Variants in MDGA2 observed in about 807,000 individuals in gnomAD.
The protein encoded by MDGA2 is MAM domain containing glycosylphosphatidylinositol anchor 2, also known as MAM domain-containing glycosylphosphatidylinositol anchor protein 2.
In MDGA2, 40 loss-of-function variants were observed where a neutral mutation model predicts 117.8. The ratio of observed to expected loss-of-function variants is 0.34; its 90% CI spans 0.26 to 0.44. The LOEUF (loss-of-function observed/expected upper bound fraction) is 0.44, where lower values mean the gene tolerates loss of function less well. MDGA2 is among the 20% of genes least tolerant of loss of function. MDGA2 has a pLI of 1.00. For missense variants in MDGA2, 1,123 were observed against 1,250.6 expected (o/e 0.90, Z 1.54); for synonymous variants, 452 against 439.0 (o/e 1.03, Z -0.37).
At chr14:47,647,817 CTT>C (rs995197894) in intron 1 of MDGA2, among the ~76,000 whole-genome samples, 4 of 152,088 alleles carry the variant, frequency 2.6e-5, no homozygotes, top group African/African-American at 9.7e-5. Flanking sequence ...ATTGTAGCAT[CTT>C]TGTCATTTTT....
intron 4 of MDGA2, among the ~76,000 whole-genome samples, chr14:47,143,724 G>A (rs1251235921): frequency 6.6e-6 from 1 of 151,554 alleles, no homozygotes; most frequent in African/African-American, 2.4e-5. Flanking sequence ...TTGCAAATGG[G>A]GAAATCAAAA....
chr14:47,089,732 T>C (rs1891039414), intron 6 of MDGA2, among the ~76,000 whole-genome samples: 1 of 152,146 alleles, frequency 6.6e-6, no homozygotes, highest in East Asian at 1.9e-4. Context: ...TCATGTCCTT[T>C]GTAGGGACAT....
chr14:47,660,040 T>C (rs1471558284), intron 1 of MDGA2, among the ~76,000 whole-genome samples: 4 of 152,066 alleles, frequency 2.6e-5, no homozygotes, highest in African/African-American at 9.7e-5. Flanking sequence ...TGCTTCTCCA[T>C]GCTTTTTTTT....
intron 1 of MDGA2, chr14:47,342,949 A>C (rs778387524): frequency 1.2e-4 from 69 of 575,842 alleles, no homozygotes; most frequent in Non-Finnish European, 1.9e-4. Context: ...TACCTTCTGA[A>C]GTCACAGTAG....
At chr14:47,087,815 A>AC (rs1890961789) in intron 6 of MDGA2, among the ~76,000 whole-genome samples, 1 of 151,820 alleles carries the variant, frequency 6.6e-6, no homozygotes, top group African/African-American at 2.4e-5. Context: ...AAAAAAAAAA[A>AC]AAAACTACCA....
intron 10 of MDGA2, among the ~76,000 whole-genome samples, chr14:46,883,225 T>A (rs1172999894): frequency 2.0e-5 from 3 of 152,110 alleles, no homozygotes; most frequent in Non-Finnish European, 4.4e-5. Flanking sequence ...AAATTCATCA[T>A]ACAGTACTGT....
chr14:47,104,811 C>T (rs1880553662), intron 5 of MDGA2, among the ~76,000 whole-genome samples: 1 of 152,162 alleles, frequency 6.6e-6, no homozygotes. Context: ...AAACAAACAT[C>T]TCACCAATTT....
At chr14:47,026,990 AGCAAGACTCTG>A (rs1888497137) in intron 8 of MDGA2, among the ~76,000 whole-genome samples, 2 of 151,912 alleles carry the variant, frequency 1.3e-5, no homozygotes, top group African/African-American at 4.8e-5. Context: ...TGGGCAACAT[AGCAAGACTCTG>A]TCTCTTAAAA....
chr14:46,985,371 T>C (rs1372073266), intron 8 of MDGA2, among the ~76,000 whole-genome samples: 1 of 152,072 alleles, frequency 6.6e-6, no homozygotes, highest in African/African-American at 2.4e-5. Flanking sequence ...CTTAAGTATA[T>C]GTAGGAGTCT....
intron 2 of MDGA2, among the ~76,000 whole-genome samples, chr14:47,247,303 CAT>C (rs1491359744): frequency 8.8e-6 from 1 of 113,576 alleles, no homozygotes; most frequent in African/African-American, 3.7e-5. Flanking sequence ...GATATAGTTT[CAT>C]ATTTTTTTTT....
chr14:47,384,025 T>TAGATAGATAGATAGATAGATAATAGA (rs60630027), intron 1 of MDGA2, among the ~76,000 whole-genome samples: 1 of 143,844 alleles, frequency 7.0e-6, no homozygotes, highest in East Asian at 2.1e-4. Flanking sequence ...AATAGATAGA[T>TAGATAGATAGATAGATAGATAATAGA]TAGATAAAGA....
chr14:47,508,840 C>T (rs577893808), intron 1 of MDGA2, among the ~76,000 whole-genome samples: 6 of 151,382 alleles, frequency 4.0e-5, no homozygotes, highest in South Asian at 2.1e-4. Flanking sequence ...CCACTATGCC[C>T]GGCTAATTTT....
intron 8 of MDGA2, among the ~76,000 whole-genome samples, chr14:47,018,751 A>T (rs2138572623): frequency 6.8e-6 from 1 of 147,954 alleles, no homozygotes; most frequent in East Asian, 2.1e-4. Flanking sequence ...AAAAAAAAAA[A>T]AAAAAAAAAA....
intron 4 of MDGA2, among the ~76,000 whole-genome samples, chr14:47,143,770 A>T (rs1882821923): frequency 1.3e-5 from 2 of 152,168 alleles, no homozygotes; most frequent in Non-Finnish European, 2.9e-5. Flanking sequence ...ACAAAACCCA[A>T]ATCAGCTAGC....
At chr14:47,641,219 G>T (rs1280010777) in intron 1 of MDGA2, among the ~76,000 whole-genome samples, 1 of 151,976 alleles carries the variant, frequency 6.6e-6, no homozygotes, top group Non-Finnish European at 1.5e-5. Context: ...GGCTTGCCAG[G>T]GATACAGATC....
chr14:47,038,700 G>A (rs895734552), intron 7 of MDGA2, among the ~76,000 whole-genome samples: 4 of 151,976 alleles, frequency 2.6e-5, no homozygotes, highest in South Asian at 4.2e-4. Context: ...TACTTTGGGC[G>A]GCCGAGGAGG....
intron 1 of MDGA2, among the ~76,000 whole-genome samples, chr14:47,503,009 T>C (rs17118806): frequency 0.038 from 5,853 of 152,180 alleles, 383 homozygotes; most frequent in African/African-American, 0.13. Context: ...TATTATGTTA[T>C]TAAAATCATC....
chr14:47,116,697 ATCCATG>A (rs1881348840), intron 5 of MDGA2, among the ~76,000 whole-genome samples: 1 of 152,124 alleles, frequency 6.6e-6, no homozygotes, highest in African/African-American at 2.4e-5. Context: ...AATATTGGAT[ATCCATG>A]TGCAAAGAAA....
intron 2 of MDGA2, among the ~76,000 whole-genome samples, chr14:47,247,527 T>C (rs1275535074): frequency 6.6e-6 from 1 of 151,520 alleles, no homozygotes; most frequent in African/African-American, 2.4e-5. Flanking sequence ...GGTCTCGAAC[T>C]CCTGACCTCA....
Sources: allele counts gnomAD v4.1 joint callset (sites outside exome capture counted in the v4.1 genomes callset), GRCh38; gene constraint gnomAD v4.1.1; transcripts MANE v1.5; gene names NCBI Gene and HGNC (gene_info 2026-07-23, HGNC 2026-07-21).